HDAC8: variants seen among roughly 807,000 people sequenced by gnomAD.
HDAC8 encodes histone deacetylase 8, also known as histone deacetylase-like 1.
In HDAC8, 1 loss-of-function variant was observed where a neutral mutation model predicts 32.2. That is an observed-to-expected ratio of 0.03 (90% CI 0.01 to 0.15). The LOEUF (loss-of-function observed/expected upper bound fraction) is 0.15, where lower values mean the gene tolerates loss of function less well. Ranked by LOEUF, HDAC8 falls within the 10% of genes least tolerant of loss-of-function variation. The probability of loss-of-function intolerance (pLI) is 1.00; values close to 1 mark genes in which losing one functional copy is unlikely to be tolerated. For missense variants in HDAC8, 117 were observed against 300.0 expected (o/e 0.39, Z 4.51); for synonymous variants, 108 against 113.9 (o/e 0.95, Z 0.33).
At chrX:72,511,184 A>T (rs1255353243) in intron 4 of HDAC8, among the ~76,000 whole-genome samples, 1 of 112,197 alleles carries the variant, frequency 8.9e-6, no homozygotes, top group Non-Finnish European at 1.9e-5. Context: ...GAACAAAAAA[A>T]GTCTGTCTAG....
chrX:72,410,058 G>T (rs1182238255), intron 9 of HDAC8, among the ~76,000 whole-genome samples: 2 of 111,863 alleles, frequency 1.8e-5, no homozygotes, highest in Admixed American at 1.9e-4. Flanking sequence ...AACTTTCAGA[G>T]ATGGGAGGGG....
At chrX:72,332,036 A>C (rs2043539482) in intron 10 of HDAC8, among the ~76,000 whole-genome samples, 1 of 112,462 alleles carries the variant, frequency 8.9e-6, no homozygotes, top group Non-Finnish European at 1.9e-5. Context: ...TACAGTATAT[A>C]AACTTTTGAG....
intron 4 of HDAC8, among the ~76,000 whole-genome samples, chrX:72,544,403 AT>A (rs2050798553): frequency 9.0e-6 from 1 of 111,680 alleles, no homozygotes; most frequent in Non-Finnish European, 1.9e-5. Flanking sequence ...CTGGAAGGTC[AT>A]TTTTTTGTGT....
At chrX:72,437,999 T>A (rs7876776) in intron 9 of HDAC8, among the ~76,000 whole-genome samples, 10,215 of 111,493 alleles carry the variant, frequency 0.092, 1,119 homozygotes, top group African/African-American at 0.32. Context: ...CTGCTAAGGG[T>A]CAGACTGCCT....
At chrX:72,535,137 A>G (rs1244439686) in intron 4 of HDAC8, among the ~76,000 whole-genome samples, 1 of 112,209 alleles carries the variant, frequency 8.9e-6, no homozygotes, top group Non-Finnish European at 1.9e-5. Flanking sequence ...TATTTTCAGT[A>G]CTAGCTGATC....
At chrX:72,464,149 C>G (rs1485135274) in intron 8 of HDAC8, among the ~76,000 whole-genome samples, 1 of 111,674 alleles carries the variant, frequency 9.0e-6, no homozygotes, top group East Asian at 2.8e-4. Context: ...TGTGTGTTTA[C>G]TACTTACATA....
chrX:72,466,535 A>G (rs2048022211), intron 7 of HDAC8, among the ~76,000 whole-genome samples: 1 of 112,071 alleles, frequency 8.9e-6, no homozygotes, highest in Non-Finnish European at 1.9e-5. Flanking sequence ...AACTCTCAAG[A>G]TGGCTAAAAT....
chrX:72,569,077 C>T (rs781784541), intron 2 of HDAC8, among the ~76,000 whole-genome samples, 193 bp from the exon 3 acceptor site: 2 of 112,110 alleles, frequency 1.8e-5, no homozygotes, highest in Non-Finnish European at 3.8e-5. Context: ...ACAGTAGTGA[C>T]TCTATTAATA....
At chrX:72,446,204 T>G (rs2047388719) in intron 9 of HDAC8, among the ~76,000 whole-genome samples, 2 of 112,362 alleles carry the variant, frequency 1.8e-5, no homozygotes, top group South Asian at 7.5e-4. Context: ...CAAAGGACTA[T>G]AAATCATGCT....
rs782509754 is a variant in HDAC8, at chrX:72,474,691, T to A, written c.738-9960A>T. 1.3e-4 allele frequency: 158 copies of A among 1,203,580 alleles called. No homozygotes were observed. In the African/African-American group the frequency reaches 2.3e-3, roughly 17 times the overall value. On this transcript the variant is annotated intron_variant, in intron 7 of 10. Transcript: ENST00000373573. ...AATGGGGAAGACAAGCTGCGGCAGC[T>A]GCTTCTACAGGCCTGGATTTGGGGC...
intron 7 of HDAC8, among the ~76,000 whole-genome samples, chrX:72,472,939 T>G (rs2048228048): frequency 9.0e-6 from 1 of 111,121 alleles, no homozygotes; most frequent in South Asian, 3.9e-4. Context: ...TACTCTAATC[T>G]AGCCCTTATG....
intron 6 of HDAC8, chrX:72,489,345 G>A (rs192060717): frequency 3.0e-4 from 104 of 341,185 alleles, no homozygotes; most frequent in Non-Finnish European, 4.5e-4. Context: ...AGTTGCATGG[G>A]GTGTCTACTA....
In HDAC8 at chrX:72,536,577, A is replaced by G. The variant is rs146505042; in HGVS notation, c.437+31312T>C. Among the ~76,000 whole-genome samples, 190 of 112,569 alleles carry G rather than the reference A, an allele frequency of 1.7e-3. 3 individuals carry two copies. Among genetic ancestry groups the G allele is most frequent in the African/African-American group, 5.8e-3 (181 of 31,088 alleles). ...ACATCTGCTTCTCTCCACATAAAAT[A>G]TACATGCACACAAAATACATGCACC... On this transcript the variant is annotated intron_variant, in intron 4 of 10. Coordinates refer to ENST00000373573, the MANE Select transcript of HDAC8 (RefSeq NM_018486.3).
intron 9 of HDAC8, among the ~76,000 whole-genome samples, chrX:72,416,053 T>C (rs1213954954): frequency 9.0e-6 from 1 of 111,379 alleles, no homozygotes; most frequent in African/African-American, 3.3e-5. Context: ...ATAAAGTGAG[T>C]TGGGAAGTGT....
intron 9 of HDAC8, among the ~76,000 whole-genome samples, chrX:72,458,475 A>G: frequency 8.9e-6 from 1 of 112,422 alleles, no homozygotes; most frequent in Middle Eastern, 4.6e-3. Flanking sequence ...CCTGTTTCCT[A>G]TAGCTGGGCT....
chrX:72,479,335 T>C (rs1286880433), intron 7 of HDAC8, among the ~76,000 whole-genome samples: 4 of 111,547 alleles, frequency 3.6e-5, no homozygotes, highest in Non-Finnish European at 5.6e-5. Flanking sequence ...AGGAATAATA[T>C]GAATTTTGAT....
chrX:72,375,227 A>C (rs1322271056), intron 9 of HDAC8, among the ~76,000 whole-genome samples: 24 of 110,286 alleles, frequency 2.2e-4, no homozygotes, highest in African/African-American at 6.9e-4. Flanking sequence ...CAAATAGGAT[A>C]TCTCTCTCTC....
At chrX:72,419,329 C>T (rs1555972800) in intron 9 of HDAC8, among the ~76,000 whole-genome samples, 1 of 111,462 alleles carries the variant, frequency 9.0e-6, no homozygotes, top group Non-Finnish European at 1.9e-5. Context: ...ACTAGTCTTT[C>T]ACCTCCTTGG....
At chrX:72,355,204 A>T (rs1045334484) in intron 9 of HDAC8, among the ~76,000 whole-genome samples, 6 of 112,260 alleles carry the variant, frequency 5.3e-5, no homozygotes, top group Admixed American at 3.8e-4. Flanking sequence ...AAATATGATC[A>T]CGTAAGGCAA....
Sources: gnomAD v4.1 joint callset for allele counts (sites outside exome capture counted in the v4.1 genomes callset) on GRCh38, gnomAD v4.1.1 for gene constraint, MANE v1.5 for transcripts, NCBI Gene and HGNC (gene_info 2026-07-23, HGNC 2026-07-21) for gene names.